Variants in GRK5 observed in about 807,000 individuals in gnomAD.
GRK5 encodes the protein g protein-coupled receptor kinase GRK5.
GRK5 carries 40 observed loss-of-function variants against 78.4 expected under a neutral mutation model. That is an observed-to-expected ratio of 0.51 (90% CI 0.40 to 0.66). The LOEUF (loss-of-function observed/expected upper bound fraction) is 0.66, where lower values mean the gene tolerates loss of function less well. Among genes scored for constraint, GRK5 ranks in the 30% least tolerant of loss-of-function variants. The pLI, the probability that GRK5 is intolerant of heterozygous loss-of-function variation, is 0.00. For missense variants in GRK5, 598 were observed against 759.9 expected, an observed-to-expected ratio of 0.79 and a Z score of 2.50; for synonymous variants, 289 against 296.8, an observed-to-expected ratio of 0.97 and a Z score of 0.27.
chr10:119,234,573 G>A (rs1034929881), intron 1 of GRK5, among the ~76,000 whole-genome samples: 10 of 152,168 alleles, frequency 6.6e-5, no homozygotes, highest in African/African-American at 2.2e-4. Context: ...TAATTTGGAA[G>A]CCAAGAATGG....
At chr10:119,300,233 G>T (rs1442622281) in intron 1 of GRK5, among the ~76,000 whole-genome samples, 4 of 152,220 alleles carry the variant, frequency 2.6e-5, no homozygotes, top group Non-Finnish European at 5.9e-5. Flanking sequence ...AAATGGAGAG[G>T]TGTGCAGGAA....
At chr10:119,346,172 A>T (rs4751712) in intron 2 of GRK5, among the ~76,000 whole-genome samples, 6,101 of 152,274 alleles carry the variant, frequency 0.04, 175 homozygotes, top group Admixed American at 0.07. Context: ...GGAGCCCAGA[A>T]GTGTGTACAA....
intron 2 of GRK5, among the ~76,000 whole-genome samples, chr10:119,361,222 G>A (rs1344318334): frequency 6.6e-6 from 1 of 152,224 alleles, no homozygotes; most frequent in Non-Finnish European, 1.5e-5. Flanking sequence ...GCGCATCAGA[G>A]GTGCGGCTCA....
At chr10:119,332,305 C>T (rs1438028815) in intron 2 of GRK5, among the ~76,000 whole-genome samples, 1 of 152,000 alleles carries the variant, frequency 6.6e-6, no homozygotes, top group Non-Finnish European at 1.5e-5. Flanking sequence ...CGGGATTTTG[C>T]CATGTTGCCC....
chr10:119,453,236 C>T lies in GRK5; in HGVS notation c.1634C>T (p.Pro545Leu), dbSNP rs1329438971. The T allele has an allele frequency of 5.6e-6, 9 of 1,613,916 alleles. No individual in the cohort carries two copies. The highest frequency in any genetic ancestry group is 3.3e-5 in the South Asian group (3 of 91,088). ...PDLNRNHPPEPPKKGLLQRLF... is the reference protein window; with the variant it reads ...PDLNRNHPPELPKKGLLQRLF... Reference sequence around the variant, plus strand: ...CTGAACAGAAACCACCCTCCGGAACCGCCCAAGAAAGGGCTGCTCCAGAGA... The same window carrying T: ...CTGAACAGAAACCACCCTCCGGAACTGCCCAAGAAAGGGCTGCTCCAGAGA... The change falls in exon 15 of 16, where the codon CCG becomes CTG. Residue 545 changes from proline to leucine, a missense_variant. By Grantham distance (98) the Pro-to-Leu change is moderately conservative. Coordinates refer to ENST00000392870, the MANE Select transcript of GRK5 (RefSeq NM_005308.3).
intron 8 of GRK5, among the ~76,000 whole-genome samples, chr10:119,432,381 G>A (rs990958719): frequency 3.3e-5 from 5 of 152,216 alleles, no homozygotes; most frequent in African/African-American, 4.8e-5. Flanking sequence ...CCAGGATTTC[G>A]AGGCTGCAGT....
At chr10:119,219,691 A>G (rs146695545) in intron 1 of GRK5, among the ~76,000 whole-genome samples, 5 of 152,314 alleles carry the variant, frequency 3.3e-5, no homozygotes, top group African/African-American at 7.2e-5. Flanking sequence ...TTAACTCTGA[A>G]AAATGTTTGG....
intron 1 of GRK5, among the ~76,000 whole-genome samples, chr10:119,310,482 C>G: frequency 6.6e-6 from 1 of 152,184 alleles, no homozygotes; most frequent in East Asian, 1.9e-4. Context: ...CCAGACTTTT[C>G]TCAACTGTGA....
intron 1 of GRK5, among the ~76,000 whole-genome samples, chr10:119,298,590 C>G (rs1277950031): frequency 6.6e-6 from 1 of 152,182 alleles, no homozygotes; most frequent in Non-Finnish European, 1.5e-5. Context: ...CCTTTTCACC[C>G]TGCATCCACA....
chr10:119,293,812 G>A (rs1369131545), intron 1 of GRK5, among the ~76,000 whole-genome samples: 2 of 152,172 alleles, frequency 1.3e-5, no homozygotes, highest in Admixed American at 6.5e-5. Context: ...CCCGAGTCTG[G>A]AGTAGGAACA....
At chr10:119,318,795 C>T (rs182509077) in intron 1 of GRK5, among the ~76,000 whole-genome samples, 81 of 152,250 alleles carry the variant, frequency 5.3e-4, no homozygotes, top group Non-Finnish European at 1.0e-3. Flanking sequence ...CATTTCAGCC[C>T]CTGCCTTGAA....
chr10:119,448,052 CT>C (rs1295279934), intron 12 of GRK5, 70 bp from the exon 13 acceptor site: 1 of 1,469,294 alleles, frequency 6.8e-7, no homozygotes. Context: ...GGTGCAGACA[CT>C]GTGGAGGCAG....
intron 1 of GRK5, among the ~76,000 whole-genome samples, chr10:119,249,961 C>G (rs547966642): frequency 2.0e-5 from 3 of 152,326 alleles, no homozygotes; most frequent in East Asian, 3.9e-4. Flanking sequence ...AATGGCCCCA[C>G]TAAGTCATGC....
chr10:119,323,870 C>T (rs1433767463), intron 1 of GRK5, among the ~76,000 whole-genome samples: 1 of 152,166 alleles, frequency 6.6e-6, no homozygotes, highest in East Asian at 1.9e-4. Context: ...CCCAAGTCCC[C>T]TGAGTCCATT....
intron 2 of GRK5, among the ~76,000 whole-genome samples, chr10:119,326,856 A>G (rs992005105): frequency 6.6e-6 from 1 of 152,246 alleles, no homozygotes; most frequent in African/African-American, 2.4e-5. Flanking sequence ...ACCTCCTCCC[A>G]GTTATCCTTT....
At chr10:119,447,810 G>C (rs184625950) in intron 12 of GRK5, among the ~76,000 whole-genome samples, 2 of 152,300 alleles carry the variant, frequency 1.3e-5, no homozygotes, top group East Asian at 3.9e-4. Context: ...GCCTTTTGTT[G>C]CTTACCCTAC....
intron 2 of GRK5, among the ~76,000 whole-genome samples, chr10:119,375,531 G>A (rs1192939850): frequency 6.6e-6 from 1 of 152,216 alleles, no homozygotes; most frequent in East Asian, 1.9e-4. Flanking sequence ...CATAGACATT[G>A]TTATGTGGCT....
intron 1 of GRK5, among the ~76,000 whole-genome samples, chr10:119,316,732 C>T (rs1850493396): frequency 1.3e-5 from 2 of 152,206 alleles, no homozygotes; most frequent in South Asian, 2.1e-4. Flanking sequence ...CACCTCCTGG[C>T]ACATTGGTGT....
At chr10:119,286,892 G>A (rs983657810) in intron 1 of GRK5, among the ~76,000 whole-genome samples, 5 of 152,306 alleles carry the variant, frequency 3.3e-5, no homozygotes, top group South Asian at 2.1e-4. Context: ...TTTCTTGTCC[G>A]TAAGATGGCA....
Sources: gnomAD v4.1 joint callset for allele counts (sites outside exome capture counted in the v4.1 genomes callset) on GRCh38, gnomAD v4.1.1 for gene constraint, MANE v1.5 for transcripts, NCBI Gene and HGNC (gene_info 2026-07-23, HGNC 2026-07-21) for gene names.